Variants in RABGAP1 observed in about 807,000 individuals in gnomAD.
RABGAP1 encodes rab GTPase-activating protein 1.
Under a neutral mutation model 137.6 loss-of-function variants are expected in RABGAP1, and 23 were observed. That is an observed-to-expected ratio of 0.17 (90% CI 0.12 to 0.24). RABGAP1 has a LOEUF of 0.24. RABGAP1 is among the 10% of genes least tolerant of loss of function. The pLI, the probability that RABGAP1 is intolerant of heterozygous loss-of-function variation, is 1.00. For synonymous variants in RABGAP1, 451 were observed against 450.7 expected (o/e 1.00, Z -0.01); for missense variants, 906 against 1,275.8 (o/e 0.71, Z 4.42).
At chr9:123,021,746 TC>T (rs1350056770) in intron 13 of RABGAP1, among the ~76,000 whole-genome samples, 1 of 152,250 alleles carries the variant, frequency 6.6e-6, no homozygotes, top group East Asian at 1.9e-4. Flanking sequence ...CAATAAGTAT[TC>T]TGATTCCTTC....
At chr9:123,046,649 A>G (rs2033221137) in intron 13 of RABGAP1, among the ~76,000 whole-genome samples, 1 of 152,262 alleles carries the variant, frequency 6.6e-6, no homozygotes, top group Non-Finnish European at 1.5e-5. Context: ...CTTGGCATGC[A>G]GTAAGCACTC....
chr9:122,962,529 A>T (rs10818772), intron 2 of RABGAP1, among the ~76,000 whole-genome samples: 60,826 of 151,912 alleles, frequency 0.4, 14,998 homozygotes, highest in South Asian at 0.6. Flanking sequence ...TTAAAAAAAA[A>T]AATAATAAAA....
intron 25 of RABGAP1, among the ~76,000 whole-genome samples, chr9:123,102,739 G>A (rs1323634943): frequency 1.3e-5 from 2 of 152,132 alleles, no homozygotes; most frequent in East Asian, 1.9e-4. Context: ...TCCAGATTGC[G>A]AAGCATTTCA....
chr9:122,964,583 A>T (rs1026929355), intron 2 of RABGAP1, among the ~76,000 whole-genome samples: 1 of 152,188 alleles, frequency 6.6e-6, no homozygotes, highest in African/African-American at 2.4e-5. Context: ...CAACCTGATA[A>T]AGGACATTTA....
At chr9:123,016,553 C>G (rs927768349) in intron 12 of RABGAP1, among the ~76,000 whole-genome samples, 1 of 69,002 alleles carries the variant, frequency 1.4e-5, no homozygotes, top group Admixed American at 1.2e-4. Flanking sequence ...AATACATTGC[C>G]TTTAGGTATT....
chr9:123,072,823 C>T (rs2034398055), intron 15 of RABGAP1, among the ~76,000 whole-genome samples: 2 of 152,192 alleles, frequency 1.3e-5, no homozygotes, highest in African/African-American at 4.8e-5. Flanking sequence ...GCCTGCCCAC[C>T]TTCTTGACTT....
chr9:123,076,337 T>C, intron 18 of RABGAP1, 51 bp downstream of exon 18: 1 of 1,550,776 alleles, frequency 6.4e-7, no homozygotes, highest in Non-Finnish European at 8.9e-7. Flanking sequence ...GCTCTGCACT[T>C]GCAATACATT....
chr9:123,081,663 G>A (rs1423740220), intron 19 of RABGAP1, among the ~76,000 whole-genome samples: 1 of 151,828 alleles, frequency 6.6e-6, no homozygotes, highest in Non-Finnish European at 1.5e-5. Context: ...GGCTGGTCTC[G>A]AACTCCTGGA....
At chr9:122,995,809 TCTA>T (rs1261055085) in intron 6 of RABGAP1, among the ~76,000 whole-genome samples, 2 of 152,160 alleles carry the variant, frequency 1.3e-5, no homozygotes, top group African/African-American at 4.8e-5. Context: ...CCTCAAGTGA[TCTA>T]CTCACCTCAG....
At chr9:123,086,688 T>C (rs1465438515) in intron 19 of RABGAP1, among the ~76,000 whole-genome samples, 3 of 119,550 alleles carry the variant, frequency 2.5e-5, no homozygotes, top group African/African-American at 3.4e-5. Flanking sequence ...GGTGAGTGTT[T>C]AAGGGAGAAA....
At chr9:123,101,792 C>T (rs372223428) in intron 25 of RABGAP1, 29 bp downstream of exon 25, 525 of 1,542,990 alleles carry the variant, frequency 3.4e-4, no homozygotes, top group Non-Finnish European at 4.2e-4. Flanking sequence ...AGACATGTGC[C>T]TGCGGGCTGG....
chr9:123,017,030 C>A (rs979179338), intron 12 of RABGAP1, among the ~76,000 whole-genome samples: 3 of 152,166 alleles, frequency 2.0e-5, no homozygotes, highest in Admixed American at 2.0e-4. Flanking sequence ...TGCAAAAAAA[C>A]CAGAGTAATA....
At position 123,088,825 on chromosome 9, in the gene RABGAP1, A is replaced by G. The variant is rs77120100; in HGVS notation, c.2425-933A>G. On this transcript the variant is annotated intron_variant, in intron 19 of 25. Transcript: ENST00000373647. Reference sequence around the variant, plus strand: ...GAAAGCCAAGAGAATAAAGGGAGAAAAGATTTTCTAGAAGAAAGCAGAGAA... The same window carrying G: ...GAAAGCCAAGAGAATAAAGGGAGAAGAGATTTTCTAGAAGAAAGCAGAGAA... Among the ~76,000 whole-genome samples, 23 of 152,354 alleles carry G rather than the reference A, an allele frequency of 1.5e-4. No individual in the cohort carries two copies. In the East Asian group the frequency reaches 4.4e-3, roughly 29 times the overall value.
At chr9:122,989,792 A>G in intron 5 of RABGAP1, 1 of 507,952 alleles carries the variant, frequency 2.0e-6, no homozygotes, top group Non-Finnish European at 3.5e-6. Flanking sequence ...TTTCATTGTA[A>G]TATCTTCAGA....
intron 24 of RABGAP1, 112 bp from the exon 25 acceptor site, chr9:123,101,454 G>A: frequency 9.8e-7 from 1 of 1,015,250 alleles, no homozygotes; most frequent in Non-Finnish European, 1.4e-6. Flanking sequence ...TTCAGAAACT[G>A]TAGTGCTCAA....
chr9:123,094,438 T>C (rs1347416424), intron 21 of RABGAP1, among the ~76,000 whole-genome samples: 2 of 152,232 alleles, frequency 1.3e-5, no homozygotes, highest in Admixed American at 1.3e-4. Context: ...TCTGTTGAGA[T>C]AATCATTTGG....
rs775037195 is a variant in RABGAP1 at position 122,984,600 on chromosome 9, A to G, written c.266A>G (p.Asp89Gly). The change falls in exon 3 of 26, where the codon GAT becomes GGT. Residue 89 changes from aspartate (D) to glycine (G), a missense_variant. Asp to Gly is a moderately conservative substitution (Grantham distance 94). This residue lies in a region of RABGAP1 where 331 missense variants were observed against 358.3 expected (regional missense o/e 0.92). Transcript: ENST00000373647. ...EKELVKRSQLDGEGDGPLSNQ... is the reference protein window; with the variant it reads ...EKELVKRSQLGGEGDGPLSNQ... ...GAGCTTGTGAAAAGGTCACAACTGGATGGTGAAGGAGATGGGCCTCTTTCT... is the reference window on the plus strand; with the variant it reads ...GAGCTTGTGAAAAGGTCACAACTGGGTGGTGAAGGAGATGGGCCTCTTTCT... 1.2e-6 allele frequency: 2 copies of G among 1,614,174 alleles called. No homozygotes were observed. Among genetic ancestry groups the G allele is most frequent in the South Asian group, 1.1e-5 (1 of 91,080 alleles).
rs1288068953 is a variant in RABGAP1, at chr9:123,070,514, TG to T, written c.1983+92del. On this transcript the variant is annotated intron_variant, in intron 15 of 25. Transcript: ENST00000373647. The surrounding 1 kb of genome is among the most constrained non-coding windows in gnomAD (Gnocchi z 4.4). ...CTTGAGCATGGTTTTATATTGGGTT[TG>T]GACAGACTCTTAAGGCATGAATTTT... 8 of 1,584,832 alleles carry T rather than the reference TG, an allele frequency of 5.0e-6. No homozygotes were observed. The African/African-American group carries it at 1.1e-4, about 22-fold the overall frequency.
At chr9:122,939,323 C>G (rs1833448756), upstream of RABGAP1, 1 of 151,678 alleles carries the variant, frequency 6.6e-6, no homozygotes, top group Non-Finnish European at 1.5e-5. Context: ...CCTGGGAATG[C>G]CATGGTTTTT....
Sources: allele counts gnomAD v4.1 joint callset (sites outside exome capture counted in the v4.1 genomes callset), GRCh38; gene constraint gnomAD v4.1.1; regional missense constraint gnomAD v4.1.1; non-coding constraint Gnocchi (gnomAD v3.1); transcripts MANE v1.5; gene names NCBI Gene and HGNC (gene_info 2026-07-23, HGNC 2026-07-21).